TTC6: variants seen among roughly 807,000 people sequenced by gnomAD.
The protein encoded by TTC6 is tetratricopeptide repeat protein 6.
In TTC6, 172 loss-of-function variants were observed where a neutral mutation model predicts 210.4. That is an observed-to-expected ratio of 0.82 (90% confidence interval 0.72 to 0.93). The LOEUF is 0.93. Ranked by LOEUF, TTC6 falls within the 40% of genes least tolerant of loss-of-function variation. The pLI, the probability that TTC6 is intolerant of heterozygous loss-of-function variation, is 0.00. For missense variants in TTC6, 2,414 were observed against 2,318.1 expected (o/e 1.04, Z -0.85); for synonymous variants, 804 against 819.6 (o/e 0.98, Z 0.32).
intron 6 of TTC6, among the ~76,000 whole-genome samples, chr14:37,715,978 G>A (rs2095852016): frequency 6.6e-6 from 1 of 152,098 alleles, no homozygotes; most frequent in Admixed American, 6.6e-5. Flanking sequence ...TCTAAGTTAT[G>A]TTTGTCCATT....
chr14:37,833,567 T>A (rs768885611), intron 29 of TTC6, among the ~76,000 whole-genome samples: 16 of 152,214 alleles, frequency 1.1e-4, no homozygotes, highest in Non-Finnish European at 2.4e-4. Flanking sequence ...TCAGTCTATA[T>A]CTTTTAATTG....
At chr14:37,686,799 A>G (rs12879319) in intron 3 of TTC6, among the ~76,000 whole-genome samples, 8,718 of 152,308 alleles carry the variant, frequency 0.057, 383 homozygotes, top group Non-Finnish European at 0.089. Context: ...TGATTCACTT[A>G]TCTCCCACTG....
At chr14:37,730,980 T>A (rs2095884520) in intron 7 of TTC6, among the ~76,000 whole-genome samples, 1 of 152,194 alleles carries the variant, frequency 6.6e-6, no homozygotes, top group South Asian at 2.1e-4. Flanking sequence ...GGTCATTAAT[T>A]TCATGGAGCT....
chr14:37,654,352 T>C (rs2095718034), intron 1 of TTC6, among the ~76,000 whole-genome samples: 1 of 152,036 alleles, frequency 6.6e-6, no homozygotes, highest in African/African-American at 2.4e-5. Context: ...CCCATAAATA[T>C]ATACACTTAT....
chr14:37,714,606 C>T, intron 5 of TTC6, 49 bp from the exon 8 acceptor site: 9 of 1,480,342 alleles, frequency 6.1e-6, no homozygotes, highest in Middle Eastern at 1.7e-4. Context: ...ACACCTTATA[C>T]TTTGTCAATT....
At chr14:37,609,627 G>T (rs1280008913) in intron 2 of TTC6, among the ~76,000 whole-genome samples, 2 of 152,018 alleles carry the variant, frequency 1.3e-5, no homozygotes, top group Non-Finnish European at 2.9e-5. Context: ...ATTACATAAA[G>T]TATTAATGAA....
Position 37,787,609 on chromosome 14 carries a change from TA to T in TTC6, c.3409del (p.Arg1137GlufsTer12). On this transcript the variant is annotated frameshift_variant, in exon 15 of 31. Transcript: ENST00000553443. LOFTEE classifies it high-confidence loss of function. The stretch of plus-strand genomic sequence containing the variant: ...GCTTATTCAGAAAGAGTAACCCTTT[TA>T]GAGCGCTACAGGATTATAGTGTTTC... The T allele has an allele frequency of 3.3e-6, 5 of 1,521,712 alleles. No homozygotes were observed. Among genetic ancestry groups the T allele is most frequent in the Non-Finnish European group, 4.4e-6 (5 of 1,137,260 alleles). 94.3% of individuals were successfully genotyped at this position (1,521,712 alleles called of 1,614,324 possible).
rs1279982092 is a variant in TTC6, at chr14:37,690,582, C to T, written c.1258-6135C>T. ...CCAGAAAAGAGCAGGAATCTCTATACTTATATCAGACAAAATAGATTTCAG... is the reference window on the plus strand; with the variant it reads ...CCAGAAAAGAGCAGGAATCTCTATATTTATATCAGACAAAATAGATTTCAG... On this transcript the variant is annotated intron_variant, in intron 3 of 30. Transcript: ENST00000553443. Among the ~76,000 whole-genome samples, 5 of 152,142 alleles carry T rather than the reference C, an allele frequency of 3.3e-5. No homozygotes were observed. In the East Asian group the frequency reaches 5.8e-4, roughly 18 times the overall value.
intron 5 of TTC6, among the ~76,000 whole-genome samples, chr14:37,709,610 TC>T (rs1436605266): frequency 1.3e-5 from 2 of 151,246 alleles, no homozygotes; most frequent in Non-Finnish European, 2.9e-5. Context: ...GCAGTATCAT[TC>T]CACCAGATGT....
intron 1 of TTC6, among the ~76,000 whole-genome samples, chr14:37,649,245 C>T (rs1052609509): frequency 1.3e-5 from 2 of 152,174 alleles, no homozygotes; most frequent in African/African-American, 2.4e-5. Context: ...TAATGCTCCA[C>T]CTGCCTTGAC....
rs532062255 is a variant in TTC6, at chr14:37,596,232, A to G, written c.-235+224A>G. Among the ~76,000 whole-genome samples, 7 of 152,306 alleles carry G rather than the reference A, an allele frequency of 4.6e-5. No homozygotes were observed. In the South Asian group the frequency reaches 1.4e-3, roughly 32 times the overall value. On this transcript the variant is annotated intron_variant, in intron 1 of 2. Coordinates refer to the TTC6 transcript ENST00000556845. ...CGCTTCAGGGAGTGAGCTGGAGACG[A>G]CCGTCTGGTTTCTGATAGGAAAAGG...
chr14:37,631,307 T>C (rs938940143), intron 1 of TTC6, among the ~76,000 whole-genome samples: 1 of 152,150 alleles, frequency 6.6e-6, no homozygotes, highest in Non-Finnish European at 1.5e-5. Context: ...GCAGGCCTGG[T>C]GGTGACAAAA....
chr14:37,771,864 G>A (rs2096020056), intron 14 of TTC6, among the ~76,000 whole-genome samples: 1 of 152,136 alleles, frequency 6.6e-6, no homozygotes, highest in African/African-American at 2.4e-5. Flanking sequence ...CTTTCCTTTG[G>A]AGGAGGAGAG....
At chr14:37,694,939 G>T (rs1049420126) in intron 3 of TTC6, among the ~76,000 whole-genome samples, 1 of 150,540 alleles carries the variant, frequency 6.6e-6, no homozygotes, top group African/African-American at 2.4e-5. Context: ...TACTTGGGAT[G>T]CTGAGGTAAG....
intron 1 of TTC6, among the ~76,000 whole-genome samples, chr14:37,675,726 C>G (rs754718226): frequency 1.7e-4 from 25 of 150,846 alleles, no homozygotes; most frequent in Non-Finnish European, 2.7e-4. Context: ...GCATCCTAGT[C>G]AAGTCTTGTT....
At chr14:37,753,210 A>G (rs1303125323) in exon 14 of TTC6, 8 of 1,533,152 alleles carry the variant, frequency 5.2e-6, no homozygotes, top group Non-Finnish European at 6.1e-6. Flanking sequence ...CTTGTTAAAT[A>G]TAGATCACCA....
At chr14:37,807,330 G>A (rs907096718) in exon 23 of TTC6, 6 of 1,525,168 alleles carry the variant, frequency 3.9e-6, no homozygotes, top group Admixed American at 2.0e-5. Flanking sequence ...GCATATTTAA[G>A]CCGAGTAGCA....
At chr14:37,772,372 C>G (rs2096022115) in intron 14 of TTC6, 2 of 163,088 alleles carry the variant, frequency 1.2e-5, no homozygotes, top group Admixed American at 6.5e-5. Context: ...CCTAAGTAAG[C>G]CTGGGCAATG....
intron 2 of TTC6, chr14:37,611,459 C>G (rs920581907): frequency 6.6e-6 from 1 of 152,398 alleles, no homozygotes; most frequent in Non-Finnish European, 1.5e-5. Context: ...CCCTCTGTTC[C>G]GCCTCGCTAA....
Sources: allele counts gnomAD v4.1 joint callset (sites outside exome capture counted in the v4.1 genomes callset), GRCh38; gene constraint gnomAD v4.1.1; transcripts MANE v1.5; gene names NCBI Gene and HGNC (gene_info 2026-07-23, HGNC 2026-07-21).